The following ANO1 variants were observed in gnomAD, a reference collection of about 807,000 sequenced individuals.
ANO1 encodes anoctamin-1.
A neutral mutation model predicts 124.0 loss-of-function variants in ANO1; 59 were observed. The ratio of observed to expected loss-of-function variants is 0.48; its 90% CI spans 0.39 to 0.59. ANO1 has a LOEUF of 0.59. Ranked by LOEUF, ANO1 falls within the 20% of genes least tolerant of loss-of-function variation. The pLI, the probability that ANO1 is intolerant of heterozygous loss-of-function variation, is 0.00. For missense variants in ANO1, 1,059 were observed against 1,328.0 expected, an observed-to-expected ratio of 0.80 and a Z score of 3.15; for synonymous variants, 529 against 532.0, an observed-to-expected ratio of 0.99 and a Z score of 0.08.
chr11:70,138,857 G>T (rs1207990801), intron 11 of ANO1, among the ~76,000 whole-genome samples: 2 of 151,930 alleles, frequency 1.3e-5, no homozygotes, highest in Non-Finnish European at 1.5e-5. Flanking sequence ...CGTTGGTTTG[G>T]TGTACAGGTT....
At chr11:70,028,864 C>A (rs1218062217) in intron 1 of ANO1, among the ~76,000 whole-genome samples, 1 of 152,172 alleles carries the variant, frequency 6.6e-6, no homozygotes, top group Non-Finnish European at 1.5e-5. Context: ...TCACTGCAAC[C>A]TCTGCCTCCT....
intron 11 of ANO1, among the ~76,000 whole-genome samples, chr11:70,144,626 G>T (rs919764826): frequency 6.6e-6 from 1 of 152,198 alleles, no homozygotes; most frequent in Non-Finnish European, 1.5e-5. Context: ...ATCCGCTCCC[G>T]CCAGGCCTGG....
intron 15 of ANO1, 111 bp downstream of exon 15, chr11:70,156,099 T>C: frequency 9.0e-7 from 1 of 1,108,814 alleles, no homozygotes; most frequent in South Asian, 2.0e-5. Context: ...AACATTCACA[T>C]CCGTGTTTCT....
intron 21 of ANO1, among the ~76,000 whole-genome samples, chr11:70,169,333 C>T (rs2135753542): frequency 6.6e-6 from 1 of 152,254 alleles, no homozygotes; most frequent in African/African-American, 2.4e-5. Flanking sequence ...CATTTCCACA[C>T]CCACTGACTT....
chr11:70,021,945 CA>C (rs1555002660), intron 1 of ANO1, among the ~76,000 whole-genome samples: 1 of 152,054 alleles, frequency 6.6e-6, no homozygotes, highest in Non-Finnish European at 1.5e-5. Context: ...CCAGAATGTC[CA>C]AAAAAAGGAG....
At chr11:70,111,189 A>T (rs1051018632) in intron 6 of ANO1, 2 of 457,772 alleles carry the variant, frequency 4.4e-6, no homozygotes, top group African/African-American at 2.0e-5. Flanking sequence ...TGTGGGAAGT[A>T]TGGTAAGTGT....
intron 1 of ANO1, among the ~76,000 whole-genome samples, chr11:70,082,426 G>A (rs1197627993): frequency 6.6e-6 from 1 of 152,164 alleles, no homozygotes; most frequent in Non-Finnish European, 1.5e-5. Flanking sequence ...CAGGCATGGT[G>A]GTATGCACCT....
intron 6 of ANO1, chr11:70,111,147 A>G (rs1397255695): frequency 1.3e-5 from 6 of 456,806 alleles, no homozygotes; most frequent in Admixed American, 1.2e-4. Context: ...GGAAGAAAGA[A>G]GGACTCCGCC....
At position 69,995,133 on chromosome 11, in the gene ANO1, T is replaced by C. The variant is rs140973378; in HGVS notation, c.58+8967T>C. 9.1e-3 allele frequency among the ~76,000 whole-genome samples: 1,357 copies of C among 149,266 alleles called. 19 individuals are homozygous for C. Among genetic ancestry groups the C allele is most frequent in the African/African-American group, 0.032 (1,274 of 39,736 alleles). On this transcript the variant is annotated intron_variant, in intron 1 of 27. Coordinates refer to the ANO1 transcript ENST00000531349. Reference sequence around the variant, plus strand: ...TTTTTTTTTTGAGATGGAATCTTGCTGTGTCACCCAGGCTGGAGTGCAATG... The same window carrying C: ...TTTTTTTTTTGAGATGGAATCTTGCCGTGTCACCCAGGCTGGAGTGCAATG...
Position 70,189,013 on chromosome 11 carries a change from T to C in ANO1, c.*1009T>C, listed in dbSNP as rs914058446. ...TTTAAAATACTGTTACTACCAAAGA[T>C]TTTTATTAATAAAGGCTTATATTTT... is the stretch of plus-strand genomic sequence containing the variant. On this transcript the variant is annotated 3_prime_UTR_variant, in exon 26 of 26. Transcript: ENST00000355303. The C allele has an allele frequency of 6.6e-6, 1 of 152,614 alleles. No individual in the cohort carries two copies. Among genetic ancestry groups the C allele is most frequent in the Non-Finnish European group, 1.5e-5 (1 of 68,042 alleles). 9.5% of individuals were successfully genotyped at this position (152,614 alleles called of 1,614,324 possible). A position where few individuals can be genotyped will look rare whatever the true frequency, so the allele number is the denominator to read the frequency against.
At chr11:70,132,935 G>A (rs932308750) in intron 11 of ANO1, among the ~76,000 whole-genome samples, 3 of 145,216 alleles carry the variant, frequency 2.1e-5, no homozygotes, top group East Asian at 2.0e-4. Flanking sequence ...CAGAGACAGC[G>A]CTGGAGGGAG....
At chr11:69,973,100 G>A in the ANO1 span, among the ~76,000 whole-genome samples, 2 of 151,844 alleles carry the variant, frequency 1.3e-5, no homozygotes, top group African/African-American at 4.8e-5. Context: ...AGTAGAGATG[G>A]GGTTTTCCAT....
intron 1 of ANO1, among the ~76,000 whole-genome samples, chr11:70,010,160 TGTGTGC>T (rs782099389): frequency 0.012 from 747 of 62,320 alleles, 49 homozygotes; most frequent in African/African-American, 0.033. Context: ...TGTGTGTGTG[TGTGTGC>T]GCGTGTGTGT....
chr11:70,153,894 T>C (rs1363953546), intron 14 of ANO1, among the ~76,000 whole-genome samples: 6 of 152,054 alleles, frequency 3.9e-5, no homozygotes, highest in Admixed American at 3.3e-4. Context: ...GCCTCCCGGG[T>C]ACCTGGGACT....
intron 11 of ANO1, among the ~76,000 whole-genome samples, chr11:70,133,696 C>A (rs1171001001): frequency 6.6e-6 from 1 of 152,228 alleles, no homozygotes; most frequent in Admixed American, 6.5e-5. Context: ...AAGAGAATTC[C>A]CCATGAAGCC....
chr11:70,149,962 C>A, intron 12 of ANO1, 170 bp downstream of exon 12: 1 of 725,768 alleles, frequency 1.4e-6, no homozygotes, highest in Non-Finnish European at 2.4e-6. Context: ...ACTCAACACC[C>A]TGGCGTTCCG....
chr11:70,111,422 C>T (rs2045776317), intron 6 of ANO1, among the ~76,000 whole-genome samples: 2 of 152,218 alleles, frequency 1.3e-5, no homozygotes, highest in South Asian at 4.1e-4. Flanking sequence ...GCTCACACCG[C>T]CTGCCTCTGA....
rs181044758 is a variant in ANO1 at position 70,013,720 on chromosome 11, C to T, written c.58+27554C>T. Among the ~76,000 whole-genome samples the T allele has an allele frequency of 2.0e-3, 308 of 151,356 alleles. 4 individuals carry two copies. Among genetic ancestry groups the T allele is most frequent in the African/African-American group, 7.1e-3 (292 of 41,186 alleles). ...AGGAGGCTGAGGCAGGAGAATCGTCCAAACTCGGGAAGCGGAGGTTGCCAT... is the reference window on the plus strand; with the variant it reads ...AGGAGGCTGAGGCAGGAGAATCGTCTAAACTCGGGAAGCGGAGGTTGCCAT... On this transcript the variant is annotated intron_variant, in intron 1 of 27. Transcript: ENST00000531349.
Position 70,081,420 on chromosome 11 carries a change from G to A in ANO1, c.108+2706G>A, listed in dbSNP as rs1254029854. Among the ~76,000 whole-genome samples the A allele has an allele frequency of 3.3e-5, 5 of 152,252 alleles. No homozygotes were observed. The South Asian group carries it at 6.2e-4, about 19-fold the overall frequency. On this transcript the variant is annotated intron_variant, in intron 1 of 25. Coordinates refer to ENST00000355303, the MANE Select transcript of ANO1 (RefSeq NM_018043.7). Reference sequence around the variant, plus strand: ...ATGATCTGCTTGTAGATTATGGAACGTGCCCCATAATCGTACATTGATATG... The same window carrying A: ...ATGATCTGCTTGTAGATTATGGAACATGCCCCATAATCGTACATTGATATG...
Sources: gnomAD v4.1 joint callset for allele counts (sites outside exome capture counted in the v4.1 genomes callset) on GRCh38, gnomAD v4.1.1 for gene constraint, MANE v1.5 for transcripts, NCBI Gene and HGNC (gene_info 2026-07-23, HGNC 2026-07-21) for gene names.